The following XXYLT1 variants were observed in gnomAD, a reference collection of about 807,000 sequenced individuals.
The protein encoded by XXYLT1 is UDP-xylose:alpha-xyloside alpha-1,3-xylosyltransferase.
In XXYLT1, 20 loss-of-function variants were observed where a neutral mutation model predicts 28.9. That is an observed-to-expected ratio of 0.69 (90% CI 0.49 to 1.00). XXYLT1 has a LOEUF of 1.00. Ranked by LOEUF, XXYLT1 falls within the 50% of genes least tolerant of loss-of-function variation. The probability of loss-of-function intolerance (pLI) is 0.00; values close to 1 mark genes in which losing one functional copy is unlikely to be tolerated. For synonymous variants in XXYLT1, 257 were observed against 253.8 expected, an observed-to-expected ratio of 1.01 and a Z score of -0.12; for missense variants, 542 against 560.1, an observed-to-expected ratio of 0.97 and a Z score of 0.33.
Position 195,138,881 on chromosome 3 carries a change from AG to A in XXYLT1, c.785+17567del, listed in dbSNP as rs1247399948. 1.3e-4 allele frequency among the ~76,000 whole-genome samples: 19 copies of A among 151,066 alleles called. No individual in the cohort carries two copies. The East Asian group carries it at 3.7e-3, about 30-fold the overall frequency. ...GGAAAAAAAAAAAAAAAAAAAAGAA[AG>A]AAAGAAAGAAAGAAAAATGGGCTAG... is the stretch of plus-strand genomic sequence containing the variant. On this transcript the variant is annotated intron_variant, in intron 3 of 3. Coordinates refer to ENST00000310380, the MANE Select transcript of XXYLT1 (RefSeq NM_152531.5).
At chr3:195,239,696 C>T (rs1349765345) in intron 1 of XXYLT1, among the ~76,000 whole-genome samples, 1 of 152,192 alleles carries the variant, frequency 6.6e-6, no homozygotes, top group African/African-American at 2.4e-5. Flanking sequence ...TCTCTTCAAA[C>T]CCTTCGTGTG....
chr3:195,096,991 G>A (rs1047381694), intron 3 of XXYLT1, among the ~76,000 whole-genome samples: 2 of 152,248 alleles, frequency 1.3e-5, no homozygotes, highest in African/African-American at 4.8e-5. Flanking sequence ...AGGCTGCGCT[G>A]AGCGCTGGGC....
chr3:195,155,993 T>TGC (rs1205781058), intron 3 of XXYLT1, among the ~76,000 whole-genome samples: 1 of 152,222 alleles, frequency 6.6e-6, no homozygotes, highest in Non-Finnish European at 1.5e-5. Flanking sequence ...CGCTTCTTCG[T>TGC]GCTGACTACT....
intron 2 of XXYLT1, among the ~76,000 whole-genome samples, chr3:195,220,436 G>A (rs905423487): frequency 6.6e-6 from 1 of 152,118 alleles, no homozygotes; most frequent in Non-Finnish European, 1.5e-5. Context: ...GAGCCACCTC[G>A]CCCGGCCGGG....
At position 195,110,283 on chromosome 3, in the gene XXYLT1, GT is replaced by G. The variant is rs750355830; in HGVS notation, c.786-40173del. ...TGTGTGGGTGTGTGGTGTGTGTGGG[GT>G]GTATGTGTGCGTGTGTGGTATATGT... On this transcript the variant is annotated intron_variant, in intron 3 of 3. Coordinates refer to ENST00000310380, the MANE Select transcript of XXYLT1 (RefSeq NM_152531.5). Among the ~76,000 whole-genome samples, 284 of 35,656 alleles carry G rather than the reference GT, an allele frequency of 8.0e-3. 29 individuals are homozygous for G. Among genetic ancestry groups the G allele is most frequent in the African/African-American group, 0.03 (151 of 5,024 alleles). The allele number at this position is 35,656 out of a possible 152,430, so 23.4% of individuals were successfully genotyped here.
chr3:195,116,282 G>A (rs1303597715), intron 3 of XXYLT1, among the ~76,000 whole-genome samples: 1 of 152,214 alleles, frequency 6.6e-6, no homozygotes, highest in Non-Finnish European at 1.5e-5. Context: ...AAGCGTGTCT[G>A]TTTCCCCTCA....
chr3:195,270,108 G>C, intron 1 of XXYLT1: 1 of 336,720 alleles, frequency 3.0e-6, no homozygotes, highest in Non-Finnish European at 5.9e-6. Context: ...AATGAGAAGT[G>C]TCACTGCAAC....
In XXYLT1 at chr3:195,167,738, C is replaced by T. The variant is rs1043002533; in HGVS notation, c.653-11157G>A. Among the ~76,000 whole-genome samples the T allele has an allele frequency of 2.0e-4, 31 of 152,262 alleles. No homozygotes were observed. The East Asian group carries it at 2.7e-3, about 13-fold the overall frequency. ...AGAGCTTCCTGGGATCACCCACTTA[C>T]GGTAGGTTGTGCCAAGCATATTGTT... On this transcript the variant is annotated intron_variant, in intron 2 of 3. Coordinates refer to ENST00000310380, the MANE Select transcript of XXYLT1 (RefSeq NM_152531.5).
intron 3 of XXYLT1, among the ~76,000 whole-genome samples, chr3:195,123,008 C>T (rs928243548): frequency 6.6e-6 from 1 of 152,212 alleles, no homozygotes; most frequent in Non-Finnish European, 1.5e-5. Context: ...GTTCTCTGAT[C>T]TCACTTTCCT....
At chr3:195,114,277 A>G (rs947692732) in intron 3 of XXYLT1, among the ~76,000 whole-genome samples, 2 of 152,146 alleles carry the variant, frequency 1.3e-5, no homozygotes, top group African/African-American at 2.4e-5. Flanking sequence ...CAGCTGCCCA[A>G]ATTTGTTTCT....
At chr3:195,093,899 C>G (rs541090102) in intron 3 of XXYLT1, 2 of 152,424 alleles carry the variant, frequency 1.3e-5, no homozygotes, top group African/African-American at 4.8e-5. Context: ...TGCCCTGACT[C>G]CAAGCGCATC....
chr3:195,164,655 C>G (rs1454467635), intron 2 of XXYLT1, among the ~76,000 whole-genome samples: 1 of 152,250 alleles, frequency 6.6e-6, no homozygotes, highest in Non-Finnish European at 1.5e-5. Flanking sequence ...CCAGAGAGTT[C>G]TGTGAGCAGG....
chr3:195,148,325 CTT>C (rs1399206025), intron 3 of XXYLT1, among the ~76,000 whole-genome samples: 6 of 152,338 alleles, frequency 3.9e-5, no homozygotes, highest in African/African-American at 1.4e-4. Context: ...CACAAAAACA[CTT>C]AGCCCAGTTT....
chr3:195,180,498 C>G lies in XXYLT1; in HGVS notation c.653-23917G>C. On this transcript the variant is annotated intron_variant, in intron 2 of 3. Transcript: ENST00000310380. The surrounding 1 kb of genome is among the most constrained non-coding windows in gnomAD (Gnocchi z 5.8). ...TGTTCCTTTTTCTTTCTATGCTCCTCTTCCTGGCTCTGTAGCCCTTGAAAA... is the reference window on the plus strand; with the variant it reads ...TGTTCCTTTTTCTTTCTATGCTCCTGTTCCTGGCTCTGTAGCCCTTGAAAA... The G allele has an allele frequency of 1.0e-6, 1 of 985,528 alleles. No individual in the cohort carries two copies. The allele number at this position is 985,528 out of a possible 1,614,324, so 61.0% of individuals were successfully genotyped here.
At chr3:195,183,526 T>C (rs1722045906) in intron 2 of XXYLT1, 1 of 152,230 alleles carries the variant, frequency 6.6e-6, no homozygotes, top group African/African-American at 2.4e-5. Context: ...GAATACAGTG[T>C]GTCTCCCACT....
At chr3:195,134,826 GGTGTGTGTGTGTGTGTGTGTGTGT>G (rs3073321) in intron 3 of XXYLT1, among the ~76,000 whole-genome samples, 1 of 145,482 alleles carries the variant, frequency 6.9e-6, no homozygotes, top group Non-Finnish European at 1.5e-5. Context: ...CGTGAAGAGG[GGTGTGTGTGTGTGTGTGTGTGTGT>G]GTGTGTGTGT....
chr3:195,164,415 G>C (rs1358317606), intron 2 of XXYLT1, among the ~76,000 whole-genome samples: 2 of 152,224 alleles, frequency 1.3e-5, no homozygotes, highest in Non-Finnish European at 2.9e-5. Context: ...AACAAGATCC[G>C]TGCCTGCCAG....
chr3:195,265,991 C>T (rs1725837563), intron 1 of XXYLT1, among the ~76,000 whole-genome samples: 1 of 152,188 alleles, frequency 6.6e-6, no homozygotes, highest in Admixed American at 6.5e-5. Context: ...GCAGGAAAGG[C>T]ACATGGAAGG....
chr3:195,092,745 C>T (rs1195017427), intron 3 of XXYLT1, among the ~76,000 whole-genome samples: 1 of 112,658 alleles, frequency 8.9e-6, no homozygotes, highest in Non-Finnish European at 1.7e-5. Context: ...AACAGGCAAC[C>T]TACAGAATGG....
Sources: allele counts gnomAD v4.1 joint callset (sites outside exome capture counted in the v4.1 genomes callset), GRCh38; gene constraint gnomAD v4.1.1; non-coding constraint Gnocchi (gnomAD v3.1); transcripts MANE v1.5; gene names NCBI Gene and HGNC (gene_info 2026-07-23, HGNC 2026-07-21).